Variants in LAMA2 observed in about 807,000 individuals in gnomAD.
LAMA2 encodes the protein laminin subunit alpha-2.
A neutral mutation model predicts 364.8 loss-of-function variants in LAMA2; 269 were observed. That is an observed-to-expected ratio of 0.74 (90% CI 0.67 to 0.82). The LOEUF (loss-of-function observed/expected upper bound fraction) is 0.82. LAMA2 is among the 40% of genes least tolerant of loss of function. The pLI is 0.00. For missense variants in LAMA2, 3,807 were observed against 3,873.2 expected, an observed-to-expected ratio of 0.98 and a Z score of 0.45; for synonymous variants, 1,379 against 1,370.6, an observed-to-expected ratio of 1.01 and a Z score of -0.14.
At chr6:129,263,188 T>A (rs547681185) in intron 15 of LAMA2, among the ~76,000 whole-genome samples, 2 of 152,260 alleles carry the variant, frequency 1.3e-5, no homozygotes, top group African/African-American at 4.8e-5. Context: ...GATGAGCGTG[T>A]ATTTTGAGAC....
chr6:129,219,450 C>T (rs1235314354), intron 12 of LAMA2, among the ~76,000 whole-genome samples: 1 of 151,694 alleles, frequency 6.6e-6, no homozygotes, highest in Non-Finnish European at 1.5e-5. Flanking sequence ...CTTGAAATAC[C>T]ATTTGACCCA....
rs190007886 is a variant in LAMA2 at position 129,286,453 on chromosome 6, A to G, written c.2538-1394A>G. Among the ~76,000 whole-genome samples, 5 of 146,928 alleles carry G rather than the reference A, an allele frequency of 3.4e-5. No homozygotes were observed. In the East Asian group the frequency reaches 9.9e-4, roughly 29 times the overall value. On this transcript the variant is annotated intron_variant, in intron 18 of 64. Transcript: ENST00000421865. ...AGTAAGTTGCATTTTAAAACATAAC[A>G]TTTAGGTCAGAGAAAATTTGCTGCT...
chr6:129,121,380 T>C (rs530481419), intron 4 of LAMA2, among the ~76,000 whole-genome samples: 42 of 152,238 alleles, frequency 2.8e-4, no homozygotes, highest in Non-Finnish European at 4.9e-4. Context: ...ACTCTCTTGA[T>C]GCTGTTGTTT....
At chr6:129,419,306 T>C (rs562005502) in intron 40 of LAMA2, among the ~76,000 whole-genome samples, 1 of 152,302 alleles carries the variant, frequency 6.6e-6, no homozygotes, top group African/African-American at 2.4e-5. Flanking sequence ...TCCTACCTGC[T>C]CTTTATGATT....
chr6:128,954,983 A>C (rs896369521), intron 1 of LAMA2, among the ~76,000 whole-genome samples: 4 of 113,116 alleles, frequency 3.5e-5, no homozygotes, highest in African/African-American at 1.5e-4. Context: ...AGGTGTGAGC[A>C]AAAAAAAAAA....
At chr6:129,028,044 C>T (rs1407530032) in intron 1 of LAMA2, among the ~76,000 whole-genome samples, 1 of 151,678 alleles carries the variant, frequency 6.6e-6, no homozygotes, top group African/African-American at 2.4e-5. Context: ...ATAATCTTTG[C>T]TTTTAGTAGA....
At chr6:129,167,874 T>C (rs369812593) in intron 9 of LAMA2, among the ~76,000 whole-genome samples, 1 of 150,674 alleles carries the variant, frequency 6.6e-6, no homozygotes, top group South Asian at 2.1e-4. Flanking sequence ...TGTGAGATGG[T>C]ATCTCATTGT....
intron 49 of LAMA2, among the ~76,000 whole-genome samples, chr6:129,461,263 C>T (rs184661037): frequency 3.3e-5 from 5 of 152,064 alleles, no homozygotes; most frequent in Non-Finnish European, 5.9e-5. Context: ...GGACCCAAAT[C>T]CTAGCAAAGT....
intron 1 of LAMA2, among the ~76,000 whole-genome samples, chr6:128,972,690 A>G (rs1782259623): frequency 6.6e-6 from 1 of 151,942 alleles, no homozygotes; most frequent in Non-Finnish European, 1.5e-5. Flanking sequence ...ACCCTCGAGC[A>G]CCTCTCTCAC....
At position 129,486,670 on chromosome 6, in the gene LAMA2, C is replaced by G. The variant is rs765091624; in HGVS notation, c.7898+48C>G. 3.9e-6 allele frequency: 6 copies of G among 1,555,614 alleles called. No homozygotes were observed. The Admixed American group carries it at 1.0e-4, about 26-fold the overall frequency. The stretch of plus-strand genomic sequence containing the variant: ...TATTATTGTAACTCAGGTGAACTTC[C>G]TTTGCTAGCATCGGTATCTATCAGT... On this transcript the variant is annotated intron_variant, in intron 56 of 64. Coordinates refer to ENST00000421865, the MANE Select transcript of LAMA2 (RefSeq NM_000426.4).
At chr6:129,096,086 G>A (rs1775169181) in intron 3 of LAMA2, among the ~76,000 whole-genome samples, 1 of 152,170 alleles carries the variant, frequency 6.6e-6, no homozygotes, top group Non-Finnish European at 1.5e-5. Flanking sequence ...AACTCTATCT[G>A]TGCATTTTAT....
intron 37 of LAMA2, 93 bp from the exon 38 acceptor site, chr6:129,401,128 TAAG>T: frequency 1.2e-6 from 1 of 842,784 alleles, no homozygotes. Flanking sequence ...CCTTTTTTGC[TAAG>T]CTTTTATTCA....
intron 2 of LAMA2, 43 bp downstream of exon 2, chr6:129,050,131 T>A: frequency 1.2e-6 from 2 of 1,601,000 alleles, no homozygotes; most frequent in Non-Finnish European, 1.7e-6. Context: ...GGGTAGGATC[T>A]ATAATTGTGA....
chr6:128,996,376 A>G (rs1434038879), intron 1 of LAMA2, among the ~76,000 whole-genome samples: 7 of 152,208 alleles, frequency 4.6e-5, no homozygotes, highest in Non-Finnish European at 5.9e-5. Context: ...TTTGCAATCT[A>G]TCCATCTGAC....
intron 4 of LAMA2, among the ~76,000 whole-genome samples, chr6:129,132,304 C>G (rs1281544996): frequency 6.6e-6 from 1 of 151,986 alleles, no homozygotes; most frequent in African/African-American, 2.4e-5. Context: ...GTAGCTAGGA[C>G]TACAGGCGCC....
intron 30 of LAMA2, among the ~76,000 whole-genome samples, chr6:129,345,909 G>C (rs1776524651): frequency 6.6e-6 from 1 of 152,100 alleles, no homozygotes; most frequent in Admixed American, 6.6e-5. Flanking sequence ...AAACCAGCCA[G>C]GGCAAAGAAA....
chr6:129,452,437 T>C (rs1418740591), intron 45 of LAMA2, among the ~76,000 whole-genome samples: 1 of 152,224 alleles, frequency 6.6e-6, no homozygotes. Flanking sequence ...TTCTGAAATG[T>C]ATGTTCTGAG....
At chr6:129,116,027 T>C (rs1490036997) in intron 4 of LAMA2, among the ~76,000 whole-genome samples, 4 of 152,102 alleles carry the variant, frequency 2.6e-5, no homozygotes, top group Non-Finnish European at 5.9e-5. Context: ...GAGTACAAGA[T>C]TTTTGAGAGC....
intron 5 of LAMA2, among the ~76,000 whole-genome samples, chr6:129,144,445 A>T (rs1158174365): frequency 6.6e-6 from 1 of 151,984 alleles, no homozygotes; most frequent in Non-Finnish European, 1.5e-5. Flanking sequence ...GGCTTTGGCG[A>T]GTTACTACTG....
Sources: allele counts gnomAD v4.1 joint callset (sites outside exome capture counted in the v4.1 genomes callset), GRCh38; gene constraint gnomAD v4.1.1; transcripts MANE v1.5; gene names NCBI Gene and HGNC (gene_info 2026-07-23, HGNC 2026-07-21).